Variants in PCDH11X observed in about 807,000 individuals in gnomAD.
PCDH11X encodes the protein protocadherin-11 X-linked.
A neutral mutation model predicts 53.3 loss-of-function variants in PCDH11X; 18 were observed. That is an observed-to-expected ratio of 0.34 (90% CI 0.23 to 0.50). The LOEUF is 0.50. Ranked by LOEUF, PCDH11X falls within the 20% of genes least tolerant of loss-of-function variation. The pLI is 0.98. For missense variants in PCDH11X, 570 were observed against 1,032.4 expected, an observed-to-expected ratio of 0.55 and a Z score of 6.14; for synonymous variants, 279 against 393.3, an observed-to-expected ratio of 0.71 and a Z score of 3.44.
intron 6 of PCDH11X, among the ~76,000 whole-genome samples, chrX:91,973,461 A>G (rs1193387991): frequency 9.2e-6 from 1 of 108,873 alleles, no homozygotes; most frequent in Admixed American, 9.9e-5. Flanking sequence ...TTAAAAAAAA[A>G]AAAAAGAAAA....
chrX:92,558,283 C>G lies in PCDH11X; in HGVS notation c.3368-59981C>G, dbSNP rs779768315. Among the ~76,000 whole-genome samples the G allele has an allele frequency of 2.1e-3, 236 of 110,465 alleles. 1 individual carries two copies. The highest frequency in any genetic ancestry group is 7.6e-3 in the African/African-American group (231 of 30,361). On this transcript the variant is annotated intron_variant, in intron 10 of 10. Transcript: ENST00000682573. Reference sequence around the variant, plus strand: ...CAGGTTGAGTTGTTTTTTTCCCTGCCCATTTTTCTATGTGCCCAGACATAT... The same window carrying G: ...CAGGTTGAGTTGTTTTTTTCCCTGCGCATTTTTCTATGTGCCCAGACATAT...
At chrX:91,791,893 G>A (rs1432536616) in intron 1 of PCDH11X, among the ~76,000 whole-genome samples, 1 of 89,559 alleles carries the variant, frequency 1.1e-5, no homozygotes, top group Admixed American at 1.5e-4. Context: ...ACGGAGTCTC[G>A]CTCTGTCGCC....
At chrX:91,817,443 C>T (rs1257124876) in intron 4 of PCDH11X, among the ~76,000 whole-genome samples, 1 of 106,877 alleles carries the variant, frequency 9.4e-6, no homozygotes, top group African/African-American at 3.4e-5. Context: ...TGTCCCCTGC[C>T]TATGAATTGG....
intron 8 of PCDH11X, among the ~76,000 whole-genome samples, chrX:92,305,255 T>C (rs1174499248): frequency 9.1e-6 from 1 of 110,146 alleles, no homozygotes; most frequent in Non-Finnish European, 1.9e-5. Context: ...AATTACCACA[T>C]ATGGGTAACA....
chrX:92,223,113 G>C (rs904579105), intron 7 of PCDH11X, among the ~76,000 whole-genome samples: 63 of 112,400 alleles, frequency 5.6e-4, no homozygotes, highest in African/African-American at 1.9e-3. Flanking sequence ...AGCCTCTGTA[G>C]TTGCTGGGAT....
chrX:91,863,929 T>C (rs1274690496), intron 5 of PCDH11X, among the ~76,000 whole-genome samples: 1 of 112,011 alleles, frequency 8.9e-6, no homozygotes, highest in Non-Finnish European at 1.9e-5. Flanking sequence ...TTTTAACTTT[T>C]TGTTGCCGTA....
At chrX:91,834,946 C>T (rs972384952) in intron 4 of PCDH11X, 29 of 762,624 alleles carry the variant, frequency 3.8e-5, no homozygotes, top group Non-Finnish European at 4.2e-5. Flanking sequence ...ATAATGATTC[C>T]TTGCCTCGTT....
intron 6 of PCDH11X, among the ~76,000 whole-genome samples, chrX:91,970,237 T>C (rs2147905841): frequency 9.0e-6 from 1 of 111,249 alleles, no homozygotes; most frequent in Non-Finnish European, 1.9e-5. Context: ...GAACAAAGCT[T>C]CCACCACGTG....
chrX:92,358,636 C>T (rs1320843572), intron 8 of PCDH11X, among the ~76,000 whole-genome samples: 1 of 102,633 alleles, frequency 9.7e-6, no homozygotes, highest in Non-Finnish European at 2.0e-5. Context: ...CTTTATTTCT[C>T]CTAGTGCTAA....
rs191919986 is a variant in PCDH11X at position 92,134,720 on chromosome X, T to C, written c.3034-66655T>C. Among the ~76,000 whole-genome samples, 842 of 111,426 alleles carry C rather than the reference T, an allele frequency of 7.6e-3. 7 individuals are homozygous for C. The highest frequency in any genetic ancestry group is 0.026 in the African/African-American group (793 of 30,702). Reference sequence around the variant, plus strand: ...AAACAAATGGTGGGTTATTCATGTGTCCTCTTTTTCGACCATATAGGGTCA... The same window carrying C: ...AAACAAATGGTGGGTTATTCATGTGCCCTCTTTTTCGACCATATAGGGTCA... On this transcript the variant is annotated intron_variant, in intron 6 of 10. Coordinates refer to ENST00000682573, the MANE Select transcript of PCDH11X (RefSeq NM_032968.5).
chrX:92,064,646 G>T (rs2063578222), intron 6 of PCDH11X, among the ~76,000 whole-genome samples: 1 of 110,582 alleles, frequency 9.0e-6, no homozygotes, highest in African/African-American at 3.3e-5. Flanking sequence ...TCATTTAAAT[G>T]AAATCACAAG....
At chrX:92,284,017 A>G (rs1287790720) in intron 8 of PCDH11X, among the ~76,000 whole-genome samples, 1 of 109,147 alleles carries the variant, frequency 9.2e-6, no homozygotes, top group African/African-American at 3.3e-5. Flanking sequence ...TTCAGATTTT[A>G]TACAATTACA....
At chrX:92,221,004 A>T (rs1332643160) in intron 7 of PCDH11X, among the ~76,000 whole-genome samples, 5 of 88,940 alleles carry the variant, frequency 5.6e-5, no homozygotes, top group Admixed American at 4.2e-4. Context: ...AACAATGATA[A>T]CACATGGACA....
chrX:92,279,871 G>T (rs2068208136), intron 8 of PCDH11X, among the ~76,000 whole-genome samples: 1 of 112,003 alleles, frequency 8.9e-6, no homozygotes, highest in African/African-American at 3.2e-5. Flanking sequence ...CTTTGATTAG[G>T]TAAATTTCTC....
intron 1 of PCDH11X, among the ~76,000 whole-genome samples, chrX:91,792,528 G>A (rs767312056): frequency 1.8e-5 from 2 of 110,708 alleles, no homozygotes; most frequent in Non-Finnish European, 3.8e-5. Flanking sequence ...AGCAATATTA[G>A]CCAGAAGACA....
Position 92,166,723 on chromosome X carries a change from C to T in PCDH11X, c.3034-34652C>T, listed in dbSNP as rs754946846. On this transcript the variant is annotated intron_variant, in intron 6 of 10. Transcript: ENST00000682573. The stretch of plus-strand genomic sequence containing the variant: ...GACCAGCCCAGTCAACCGAGGAAGA[C>T]ATTGTTTCTACAAAAATTTTAAAAA... Among the ~76,000 whole-genome samples the T allele has an allele frequency of 5.5e-5, 6 of 109,187 alleles. No individual in the cohort carries two copies. The East Asian group carries it at 1.5e-3, about 26-fold the overall frequency. 94.8% of individuals were successfully genotyped at this position (109,187 alleles called of 115,157 possible). A position where few individuals can be genotyped will look rare whatever the true frequency, so the allele number is the denominator to read the frequency against.
At chrX:92,476,781 G>A (rs2073394011) in intron 10 of PCDH11X, among the ~76,000 whole-genome samples, 1 of 50,581 alleles carries the variant, frequency 2.0e-5, no homozygotes, top group Non-Finnish European at 3.1e-5. Context: ...CCGAAGCCCA[G>A]GACAACTTTT....
chrX:92,136,646 G>A (rs1190576025), intron 6 of PCDH11X, among the ~76,000 whole-genome samples: 1 of 102,960 alleles, frequency 9.7e-6, no homozygotes, highest in African/African-American at 3.6e-5. Context: ...AGACATGATG[G>A]GGCCCCATGA....
intron 6 of PCDH11X, among the ~76,000 whole-genome samples, chrX:92,120,399 C>A (rs1377749689): frequency 8.9e-6 from 1 of 111,896 alleles, no homozygotes; most frequent in Non-Finnish European, 1.9e-5. Context: ...ACCTCGTGAT[C>A]CACCCGCCTC....
Sources: allele counts gnomAD v4.1 joint callset (sites outside exome capture counted in the v4.1 genomes callset), GRCh38; gene constraint gnomAD v4.1.1; transcripts MANE v1.5; gene names NCBI Gene and HGNC (gene_info 2026-07-23, HGNC 2026-07-21).